The following DPP10 variants were observed in gnomAD, a reference collection of about 807,000 sequenced individuals.
DPP10 encodes the protein dipeptidyl peptidase like 10.
DPP10 carries 33 observed loss-of-function variants against 120.9 expected under a neutral mutation model. The observed-to-expected ratio is 0.27, with a 90% confidence interval of 0.21 to 0.37. The LOEUF (loss-of-function observed/expected upper bound fraction) is 0.37, where lower values mean the gene tolerates loss of function less well. DPP10 is among the 10% of genes least tolerant of loss of function. The probability of loss-of-function intolerance (pLI) is 1.00; values close to 1 mark genes in which losing one functional copy is unlikely to be tolerated. For missense variants in DPP10, 816 were observed against 942.8 expected (o/e 0.87, Z 1.76); for synonymous variants, 337 against 326.1 (o/e 1.03, Z -0.36).
At chr2:115,719,533 C>T (rs1297205410) in intron 7 of DPP10, among the ~76,000 whole-genome samples, 1 of 152,084 alleles carries the variant, frequency 6.6e-6, no homozygotes, top group African/African-American at 2.4e-5. Flanking sequence ...TATTTAAGAC[C>T]AAAATGTCAG....
At chr2:115,175,114 A>C (rs1340721083) in intron 1 of DPP10, among the ~76,000 whole-genome samples, 1 of 152,204 alleles carries the variant, frequency 6.6e-6, no homozygotes, top group Non-Finnish European at 1.5e-5. Context: ...TAGGGAGAAG[A>C]GAGATTAACT....
intron 1 of DPP10, among the ~76,000 whole-genome samples, chr2:114,889,342 T>C (rs757241006): frequency 7.9e-5 from 12 of 152,242 alleles, no homozygotes; most frequent in Non-Finnish European, 1.6e-4. Flanking sequence ...ATCTGAAAGG[T>C]AATCTTCAGA....
chr2:115,276,834 C>T (rs1478500906), intron 1 of DPP10, among the ~76,000 whole-genome samples: 1 of 152,184 alleles, frequency 6.6e-6, no homozygotes, highest in Non-Finnish European at 1.5e-5. Flanking sequence ...CTGCTCTCTA[C>T]TCCAAGGATT....
chr2:115,394,081 T>A (rs2067502732), intron 3 of DPP10, among the ~76,000 whole-genome samples: 1 of 152,152 alleles, frequency 6.6e-6, no homozygotes, highest in Admixed American at 6.6e-5. Context: ...AGAGATTGAA[T>A]TATGCCGTTC....
At chr2:115,235,326 A>AT (rs1014429469) in intron 1 of DPP10, among the ~76,000 whole-genome samples, 21 of 152,246 alleles carry the variant, frequency 1.4e-4, no homozygotes, top group East Asian at 5.8e-4. Context: ...TCATTTATTG[A>AT]TTTTTTCAAG....
At chr2:114,731,996 A>G (rs991932860) in intron 1 of DPP10, among the ~76,000 whole-genome samples, 1 of 152,140 alleles carries the variant, frequency 6.6e-6, no homozygotes, top group African/African-American at 2.4e-5. Context: ...AGGTGATTTT[A>G]TAGGGAAGAT....
intron 1 of DPP10, among the ~76,000 whole-genome samples, chr2:115,126,809 T>A (rs13397884): frequency 3.3e-5 from 5 of 152,070 alleles, no homozygotes; most frequent in Non-Finnish European, 4.4e-5. Context: ...TTGTTCCCAC[T>A]GCTACAGAAG....
chr2:115,309,212 AC>A, intron 1 of DPP10, 26 bp from the exon 2 acceptor site: 1 of 1,588,296 alleles, frequency 6.3e-7, no homozygotes. Flanking sequence ...ATGAATAATT[AC>A]AAAACTTTTT....
chr2:115,152,625 T>A (rs2051633512), intron 1 of DPP10, among the ~76,000 whole-genome samples: 1 of 152,230 alleles, frequency 6.6e-6, no homozygotes, highest in South Asian at 2.1e-4. Context: ...CAGGTTTGTC[T>A]GGATTTTCTC....
At chr2:114,510,683 T>C (rs985096701) in intron 1 of DPP10, among the ~76,000 whole-genome samples, 2 of 151,536 alleles carry the variant, frequency 1.3e-5, no homozygotes, top group African/African-American at 2.4e-5. Context: ...CCTGCTGATA[T>C]AGAGCAGGTG....
chr2:115,081,301 A>G (rs7603374), intron 1 of DPP10, among the ~76,000 whole-genome samples: 28,195 of 152,062 alleles, frequency 0.19, 2,999 homozygotes, highest in East Asian at 0.36. Flanking sequence ...AATCTCTCTC[A>G]TGTATAGTCC....
intron 5 of DPP10, among the ~76,000 whole-genome samples, chr2:115,537,498 T>G (rs1026840649): frequency 6.6e-6 from 1 of 151,870 alleles, no homozygotes; most frequent in Non-Finnish European, 1.5e-5. Context: ...AGTTAGTGTA[T>G]TATAATTTAT....
At chr2:114,972,439 C>T (rs1423940627) in intron 1 of DPP10, among the ~76,000 whole-genome samples, 2 of 152,166 alleles carry the variant, frequency 1.3e-5, no homozygotes, top group African/African-American at 2.4e-5. Context: ...GCCTTTGACT[C>T]ATAGATGAAT....
chr2:114,711,971 TATC>T (rs1574020762), intron 1 of DPP10, among the ~76,000 whole-genome samples: 2 of 152,288 alleles, frequency 1.3e-5, no homozygotes, highest in African/African-American at 4.8e-5. Context: ...TTATAATAAT[TATC>T]ATCATCAAAT....
At chr2:114,696,347 T>C (rs1256682384) in intron 1 of DPP10, among the ~76,000 whole-genome samples, 1 of 152,078 alleles carries the variant, frequency 6.6e-6, no homozygotes, top group Non-Finnish European at 1.5e-5. Context: ...TATACAAGTT[T>C]AAAAGACTGG....
At chr2:114,801,700 G>A (rs1291002439) in intron 1 of DPP10, among the ~76,000 whole-genome samples, 1 of 152,186 alleles carries the variant, frequency 6.6e-6, no homozygotes, top group African/African-American at 2.4e-5. Flanking sequence ...ATACAGAAAA[G>A]GGCCCACAAG....
chr2:114,916,583 C>T (rs1159623513), intron 1 of DPP10, among the ~76,000 whole-genome samples: 1 of 152,132 alleles, frequency 6.6e-6, no homozygotes, highest in Non-Finnish European at 1.5e-5. Context: ...CAACAAAATA[C>T]AAGAAAATCA....
intron 1 of DPP10, among the ~76,000 whole-genome samples, chr2:114,853,934 T>C (rs1689170391): frequency 6.6e-6 from 1 of 152,194 alleles, no homozygotes; most frequent in East Asian, 1.9e-4. Flanking sequence ...CCCTAGTCAA[T>C]ATCTCTACCA....
At chr2:114,933,086 T>A (rs1433628428) in intron 1 of DPP10, among the ~76,000 whole-genome samples, 4 of 152,178 alleles carry the variant, frequency 2.6e-5, no homozygotes, top group Non-Finnish European at 5.9e-5. Flanking sequence ...TCCTCTTTTT[T>A]TAAAAAAAAC....
Sources: gnomAD v4.1 joint callset for allele counts (sites outside exome capture counted in the v4.1 genomes callset) on GRCh38, gnomAD v4.1.1 for gene constraint, MANE v1.5 for transcripts, NCBI Gene and HGNC (gene_info 2026-07-23, HGNC 2026-07-21) for gene names.